The following ANKRD26 variants were observed in gnomAD, a reference collection of about 807,000 sequenced individuals.
ANKRD26 encodes ankyrin repeat domain-containing protein 26.
Under a neutral mutation model 208.7 loss-of-function variants are expected in ANKRD26, and 141 were observed. That is an observed-to-expected ratio of 0.68 (90% CI 0.59 to 0.78). The LOEUF (loss-of-function observed/expected upper bound fraction) is 0.78, where lower values mean the gene tolerates loss of function less well. Among genes scored for constraint, ANKRD26 ranks in the 30% least tolerant of loss-of-function variants. The pLI, the probability that ANKRD26 is intolerant of heterozygous loss-of-function variation, is 0.00. For missense variants in ANKRD26, 1,889 were observed against 1,938.7 expected (o/e 0.97, Z 0.48); for synonymous variants, 636 against 660.4 (o/e 0.96, Z 0.57).
intron 15 of ANKRD26, among the ~76,000 whole-genome samples, chr10:27,058,919 T>C (rs950982436): frequency 1.0e-5 from 1 of 97,054 alleles, no homozygotes; most frequent in East Asian, 2.5e-4. Context: ...TTTTTGTTTT[T>C]TTGTTTTTTT....
chr10:27,045,155 G>T (rs116987679), intron 18 of ANKRD26, among the ~76,000 whole-genome samples: 2,497 of 152,254 alleles, frequency 0.016, 156 homozygotes, highest in East Asian at 0.16. Flanking sequence ...TGGGCGTGCT[G>T]GCTCACGCCT....
At chr10:27,027,225 A>G (rs1388465644) in intron 27 of ANKRD26, among the ~76,000 whole-genome samples, 1 of 152,248 alleles carries the variant, frequency 6.6e-6, no homozygotes, top group Non-Finnish European at 1.5e-5. Context: ...CTTTTTTAAA[A>G]TCCAAAGAGA....
chr10:27,077,599 T>A (rs1589347063), intron 8 of ANKRD26, 34 bp downstream of exon 8: 1 of 1,603,252 alleles, frequency 6.2e-7, no homozygotes, highest in Non-Finnish European at 8.5e-7. Context: ...AATCAGTGAA[T>A]AACACAAGAA....
chr10:27,041,950 T>C (rs901489073), intron 20 of ANKRD26, among the ~76,000 whole-genome samples: 1 of 152,104 alleles, frequency 6.6e-6, no homozygotes, highest in African/African-American at 2.4e-5. Context: ...CCATATATGA[T>C]GTGGTATGAT....
intron 4 of ANKRD26, among the ~76,000 whole-genome samples, chr10:27,088,808 C>T (rs553649355): frequency 6.6e-6 from 1 of 152,266 alleles, no homozygotes; most frequent in South Asian, 2.1e-4. Context: ...TGAGAACAAT[C>T]CCAACTAATA....
At chr10:27,005,802 G>A in intron 33 of ANKRD26, 79 bp from the exon 34 acceptor site, 1 of 1,522,180 alleles carries the variant, frequency 6.6e-7, no homozygotes, top group Non-Finnish European at 8.8e-7. Flanking sequence ...TAAAAGAGTT[G>A]AGAATTTTGT....
In ANKRD26 at chr10:27,005,229, C is replaced by G. The variant is rs768854633; in HGVS notation, c.*361G>C. ...AACAATGACCACAGTTCCTGCACAA[C>G]AAAATGATGTCTAAGTCCAATTAGA... On this transcript the variant is annotated 3_prime_UTR_variant, in exon 34 of 34. Transcript: ENST00000376087. 55 of 1,007,974 alleles carry G rather than the reference C, an allele frequency of 5.5e-5. No homozygotes were observed. The highest frequency in any genetic ancestry group is 5.9e-5 in the Non-Finnish European group (50 of 844,130). 62.4% of individuals were successfully genotyped at this position (1,007,974 alleles called of 1,614,324 possible).
intron 16 of ANKRD26, among the ~76,000 whole-genome samples, chr10:27,049,673 A>C (rs1001607960): frequency 1.3e-5 from 2 of 152,194 alleles, no homozygotes; most frequent in African/African-American, 4.8e-5. Flanking sequence ...TAATTATCTA[A>C]GTTAACCTCA....
At chr10:26,950,998 TTTTTC>T in the ANKRD26 span, among the ~76,000 whole-genome samples, 15 of 133,388 alleles carry the variant, frequency 1.1e-4, no homozygotes, top group East Asian at 2.5e-4. Context: ...TCCCTTTTCT[TTTTTC>T]TTTTCTTTTC....
At chr10:27,079,291 C>A in intron 6 of ANKRD26, 130 bp from the exon 7 acceptor site, 3 of 717,156 alleles carry the variant, frequency 4.2e-6, no homozygotes, top group South Asian at 1.6e-5. Context: ...CAACTGTCTG[C>A]ATATTAAATG....
intron 1 of ANKRD26, among the ~76,000 whole-genome samples, chr10:27,096,782 GA>G (rs971166720): frequency 1.4e-4 from 20 of 139,494 alleles, no homozygotes; most frequent in East Asian, 6.2e-4. Context: ...AAAAAAAAAA[GA>G]AAAAAAAATC....
In ANKRD26 at chr10:27,040,224, A is replaced by G. The variant is rs377211754; in HGVS notation, c.2162-46T>C. On this transcript the variant is annotated intron_variant, in intron 20 of 33. Coordinates refer to ENST00000376087, the MANE Select transcript of ANKRD26 (RefSeq NM_014915.3). ...GATAGAAATATATGAGCATTTTTCC[A>G]TATAACACACTGTGCACTATAACAT... 6 of 1,374,202 alleles carry G rather than the reference A, an allele frequency of 4.4e-6. No homozygotes were observed. In the South Asian group the frequency reaches 6.0e-5, roughly 14 times the overall value. The allele number at this position is 1,374,202 out of a possible 1,614,324, so 85.1% of individuals were successfully genotyped here.
chr10:27,096,799 T>G (rs918945196), intron 1 of ANKRD26, among the ~76,000 whole-genome samples: 2 of 151,180 alleles, frequency 1.3e-5, no homozygotes, highest in African/African-American at 4.9e-5. Flanking sequence ...AAATCAGCTC[T>G]GCAAATCTTC....
rs372644047 is a variant in ANKRD26 at position 27,093,473 on chromosome 10, C to A, written c.407G>T (p.Gly136Val). The A allele has an allele frequency of 1.9e-6, 3 of 1,614,062 alleles. No individual in the cohort carries two copies. The highest frequency in any genetic ancestry group is 2.5e-6 in the Non-Finnish European group (3 of 1,180,040). Reference sequence around the variant, plus strand: ...GACATCCGCAAGATTTGGATCAGCACCATGTTCTAGCAGAATAGTTGCACA... The same window carrying A: ...GACATCCGCAAGATTTGGATCAGCAACATGTTCTAGCAGAATAGTTGCACA... ...EKCATILLEH[G>V]ADPNLADVHG... The change falls in exon 3 of 34, where the codon GGT becomes GTT. Residue 136 changes from glycine to valine, a missense_variant. Transcript: ENST00000376087.
intron 21 of ANKRD26, among the ~76,000 whole-genome samples, chr10:27,038,630 G>A (rs1430137083): frequency 1.1e-4 from 16 of 148,044 alleles, no homozygotes; most frequent in African/African-American, 3.5e-4. Context: ...CAGCCTGGGC[G>A]ACAGAGTGAG....
chr10:27,002,039 G>C (rs529902131), downstream of ANKRD26, among the ~76,000 whole-genome samples: 60 of 152,296 alleles, frequency 3.9e-4, no homozygotes, highest in African/African-American at 1.3e-3. Flanking sequence ...AACAGAGTCA[G>C]GAGGCAACCA....
intron 17 of ANKRD26, 55 bp from the exon 18 acceptor site, chr10:27,046,578 C>T (rs2054456085): frequency 6.5e-7 from 1 of 1,537,340 alleles, no homozygotes; most frequent in Non-Finnish European, 8.9e-7. Context: ...AAAAAAGAAA[C>T]AACATGCAGA....
chr10:27,065,307 T>A (rs567014335), intron 11 of ANKRD26, among the ~76,000 whole-genome samples: 1 of 152,314 alleles, frequency 6.6e-6, no homozygotes, highest in East Asian at 1.9e-4. Flanking sequence ...CCACCTTGTA[T>A]ATGCGGTGTC....
the ANKRD26 span, among the ~76,000 whole-genome samples, chr10:26,959,669 G>T: frequency 4.2e-4 from 63 of 149,744 alleles, no homozygotes; most frequent in African/African-American, 1.5e-3. Context: ...TAGTAGAGAC[G>T]GGGTTTCACC....
Sources: gnomAD v4.1 joint callset for allele counts (sites outside exome capture counted in the v4.1 genomes callset) on GRCh38, gnomAD v4.1.1 for gene constraint, MANE v1.5 for transcripts, NCBI Gene and HGNC (gene_info 2026-07-23, HGNC 2026-07-21) for gene names.